Variants in CAST observed in about 807,000 individuals in gnomAD.
The protein encoded by CAST is MIR583 host.
CAST carries 76 observed loss-of-function variants against 119.6 expected under a neutral mutation model. That is an observed-to-expected ratio of 0.64 (90% CI 0.53 to 0.77). The LOEUF is 0.77. Ranked by LOEUF, CAST falls within the 30% of genes least tolerant of loss-of-function variation. The pLI is 0.00. For synonymous variants in CAST, 319 were observed against 331.6 expected, an observed-to-expected ratio of 0.96 and a Z score of 0.41; for missense variants, 953 against 946.5, an observed-to-expected ratio of 1.01 and a Z score of -0.09.
At chr5:96,611,628 T>A (rs1459399338) in intron 1 of CAST, among the ~76,000 whole-genome samples, 1 of 152,084 alleles carries the variant, frequency 6.6e-6, no homozygotes, top group East Asian at 1.9e-4. Context: ...ACCAAATACT[T>A]TCTGCACAGC....
At chr5:96,088,529 A>G in the CAST span, among the ~76,000 whole-genome samples, 187 of 152,374 alleles carry the variant, frequency 1.2e-3, no homozygotes, top group Middle Eastern at 6.8e-3. Flanking sequence ...TGTGAAGCCC[A>G]GGATTCCTGC....
chr5:96,237,854 T>G, the CAST span, among the ~76,000 whole-genome samples: 1 of 152,130 alleles, frequency 6.6e-6, no homozygotes, highest in Non-Finnish European at 1.5e-5. Context: ...TTTTTGATTC[T>G]GTCCTTTTCC....
chr5:96,288,528 A>T, the CAST span, among the ~76,000 whole-genome samples: 1 of 152,216 alleles, frequency 6.6e-6, no homozygotes, highest in Non-Finnish European at 1.5e-5. Flanking sequence ...TAGTAATTAC[A>T]TAATTTGAAC....
At chr5:96,165,117 G>A in the CAST span, among the ~76,000 whole-genome samples, 1 of 152,210 alleles carries the variant, frequency 6.6e-6, no homozygotes, top group South Asian at 2.1e-4. Context: ...AGATAAGTGG[G>A]GGACAGGAGG....
chr5:96,278,909 A>G, the CAST span, among the ~76,000 whole-genome samples: 2 of 152,234 alleles, frequency 1.3e-5, no homozygotes, highest in East Asian at 3.8e-4. Context: ...CATATCCTAT[A>G]GCTTAAAAAA....
At chr5:96,327,566 AC>A in the CAST span, among the ~76,000 whole-genome samples, 5 of 152,212 alleles carry the variant, frequency 3.3e-5, no homozygotes, top group Non-Finnish European at 5.9e-5. Flanking sequence ...CGGCAGAGTG[AC>A]CCCCAACACT....
chr5:96,682,286 G>T (rs937728693), intron 2 of CAST, among the ~76,000 whole-genome samples: 1 of 152,172 alleles, frequency 6.6e-6, no homozygotes, highest in African/African-American at 2.4e-5. Context: ...GAGAGTTTCT[G>T]AAGTTTGCCC....
At chr5:96,179,279 T>A in the CAST span, among the ~76,000 whole-genome samples, 1 of 152,200 alleles carries the variant, frequency 6.6e-6, no homozygotes, top group South Asian at 2.1e-4. Flanking sequence ...AATATTTACC[T>A]CTCAATGAAT....
intron 1 of CAST, among the ~76,000 whole-genome samples, chr5:96,629,399 G>C (rs915526702): frequency 6.7e-6 from 1 of 150,372 alleles, no homozygotes; most frequent in South Asian, 2.1e-4. Context: ...GGCTAAGACA[G>C]TATTCTTTCC....
At chr5:96,536,466 A>C (rs970371710) in intron 1 of CAST, among the ~76,000 whole-genome samples, 1 of 152,214 alleles carries the variant, frequency 6.6e-6, no homozygotes, top group African/African-American at 2.4e-5. Context: ...CGACATGGAG[A>C]TCAATGATGT....
At chr5:96,606,143 T>G (rs555635435) in intron 1 of CAST, among the ~76,000 whole-genome samples, 1 of 151,944 alleles carries the variant, frequency 6.6e-6, no homozygotes, top group Non-Finnish European at 1.5e-5. Flanking sequence ...CTGAAGCACA[T>G]TTAAATCACC....
chr5:96,282,641 A>C, the CAST span, among the ~76,000 whole-genome samples: 1 of 152,156 alleles, frequency 6.6e-6, no homozygotes, highest in African/African-American at 2.4e-5. Context: ...TTTACCACTT[A>C]TTGTATTTTA....
chr5:96,145,365 T>C, the CAST span, among the ~76,000 whole-genome samples: 3 of 152,192 alleles, frequency 2.0e-5, no homozygotes, highest in Non-Finnish European at 4.4e-5. Flanking sequence ...CTAAACTCTA[T>C]TGAAATTCTC....
intron 1 of CAST, among the ~76,000 whole-genome samples, chr5:96,575,419 G>C (rs1411506997): frequency 6.6e-6 from 1 of 151,880 alleles, no homozygotes; most frequent in East Asian, 1.9e-4. Context: ...GCAATGACTA[G>C]GACCTCTAGT....
At chr5:96,345,339 G>A in the CAST span, among the ~76,000 whole-genome samples, 1 of 152,068 alleles carries the variant, frequency 6.6e-6, no homozygotes, top group Admixed American at 6.6e-5. Flanking sequence ...TGTGTTGGAT[G>A]ATACACTATT....
intron 1 of CAST, chr5:96,630,954 T>A (rs189250891): frequency 7.3e-6 from 1 of 136,934 alleles, no homozygotes; most frequent in Admixed American, 7.5e-5. Flanking sequence ...TTTTTTTAAA[T>A]AATCTCTTAC....
At chr5:96,713,391 G>A (rs1405211562) in intron 3 of CAST, among the ~76,000 whole-genome samples, 4 of 151,880 alleles carry the variant, frequency 2.6e-5, no homozygotes, top group Non-Finnish European at 5.9e-5. Flanking sequence ...TCAGCCTCCC[G>A]AAGTGCTGGG....
the CAST span, among the ~76,000 whole-genome samples, chr5:96,073,760 A>G: frequency 0.63 from 96,416 of 152,056 alleles, 30,871 homozygotes; most frequent in African/African-American, 0.69. Context: ...ATGCTCATTC[A>G]CCTGCTGCCC....
At chr5:96,548,463 T>G (rs1267804808) in intron 1 of CAST, among the ~76,000 whole-genome samples, 2 of 152,178 alleles carry the variant, frequency 1.3e-5, no homozygotes, top group Non-Finnish European at 2.9e-5. Flanking sequence ...CCAAGGATCC[T>G]GCAGAATAAC....
Sources: allele counts gnomAD v4.1 joint callset (sites outside exome capture counted in the v4.1 genomes callset), GRCh38; gene constraint gnomAD v4.1.1; transcripts MANE v1.5; gene names NCBI Gene and HGNC (gene_info 2026-07-23, HGNC 2026-07-21).